BRAF: variants seen among roughly 807,000 people sequenced by gnomAD.
BRAF encodes B-Raf proto-oncogene, serine/threonine kinase.
Under a neutral mutation model 104.6 loss-of-function variants are expected in BRAF, and 16 were observed. That is an observed-to-expected ratio of 0.15 (90% CI 0.10 to 0.23). The LOEUF is 0.23. Among genes scored for constraint, BRAF ranks in the 10% least tolerant of loss-of-function variants. BRAF has a pLI of 1.00. For missense variants in BRAF, 541 were observed against 937.3 expected (o/e 0.58, Z 5.52); for synonymous variants, 310 against 341.6 (o/e 0.91, Z 1.02).
chr7:140,902,207 T>C (rs1056437658), intron 1 of BRAF, among the ~76,000 whole-genome samples: 7 of 152,244 alleles, frequency 4.6e-5, no homozygotes, highest in African/African-American at 7.2e-5. Flanking sequence ...ATTCTCATAG[T>C]ATTTCAAACT....
intron 14 of BRAF, among the ~76,000 whole-genome samples, chr7:140,765,140 C>T (rs1470393392): frequency 2.2e-4 from 33 of 152,052 alleles, no homozygotes; most frequent in East Asian, 1.4e-3. Flanking sequence ...TCAGAAATAA[C>T]GCCACATATC....
At chr7:140,760,790 T>C (rs1044297228) in intron 14 of BRAF, among the ~76,000 whole-genome samples, 12 of 151,596 alleles carry the variant, frequency 7.9e-5, no homozygotes, top group Non-Finnish European at 1.2e-4. Flanking sequence ...AGGGTATCAG[T>C]GATGGAAGAT....
At position 140,725,600 on chromosome 7, in the gene BRAF, T is replaced by C. The variant is rs2130830470; in HGVS notation, c.*894A>G. On this transcript the variant is annotated 3_prime_UTR_variant, in exon 20 of 20. Coordinates refer to ENST00000644969, the MANE Select transcript of BRAF (RefSeq NM_001374258.1). ...TTAGTTAGATACTGCCACGGCATTT[T>C]GTGCCCTGGACAAAGTAGCCGCATA... 1 of 1,058,488 alleles carries C rather than the reference T, an allele frequency of 9.4e-7. No homozygotes were observed. Among genetic ancestry groups the C allele is most frequent in the East Asian group, 5.2e-5 (1 of 19,232 alleles). The allele number at this position is 1,058,488 out of a possible 1,614,324, so 65.6% of individuals were successfully genotyped here.
intron 1 of BRAF, among the ~76,000 whole-genome samples, chr7:140,851,704 A>G (rs920741272): frequency 4.6e-5 from 7 of 152,220 alleles, no homozygotes; most frequent in Admixed American, 1.3e-4. Flanking sequence ...TCTGCAGGGT[A>G]TAAGTCCACT....
At chr7:140,790,521 A>G (rs539963955) in intron 8 of BRAF, among the ~76,000 whole-genome samples, 1 of 152,336 alleles carries the variant, frequency 6.6e-6, no homozygotes, top group East Asian at 1.9e-4. Context: ...AATATTAGCT[A>G]TAATTTCTGA....
intron 1 of BRAF, among the ~76,000 whole-genome samples, chr7:140,877,682 C>T (rs534988484): frequency 1.3e-5 from 2 of 152,120 alleles, no homozygotes; most frequent in East Asian, 3.9e-4. Flanking sequence ...ACAGACTCCC[C>T]TACACACAGA....
chr7:140,924,161 T>G lies in BRAF; in HGVS notation c.138+405A>C, dbSNP rs914752164. Among the ~76,000 whole-genome samples the G allele has an allele frequency of 5.3e-5, 8 of 152,236 alleles. No individual in the cohort carries two copies. The highest frequency in any genetic ancestry group is 1.9e-4 in the African/African-American group (8 of 41,558). ...AATTACACGCGACAGTAACTCGGGCTGTTGTCTCAGCCCCAGCAACTAACC... is the reference window on the plus strand; with the variant it reads ...AATTACACGCGACAGTAACTCGGGCGGTTGTCTCAGCCCCAGCAACTAACC... On this transcript the variant is annotated intron_variant, in intron 1 of 19. Transcript: ENST00000644969. This position sits in a 1 kb window ranked among gnomAD's most constrained non-coding sequence, Gnocchi z 4.2.
At chr7:140,734,796 A>AC (rs1796258265) in intron 18 of BRAF, 26 bp from the exon 18 acceptor site, 3 of 1,175,146 alleles carry the variant, frequency 2.6e-6, no homozygotes, top group Non-Finnish European at 3.3e-6. Flanking sequence ...GAAAAAAAAA[A>AC]GAAAAAAAAA....
At chr7:140,889,339 A>C (rs186134876) in intron 1 of BRAF, among the ~76,000 whole-genome samples, 1 of 152,332 alleles carries the variant, frequency 6.6e-6, no homozygotes. Context: ...CTAAACTTGA[A>C]ACATCAGCAA....
intron 2 of BRAF, among the ~76,000 whole-genome samples, chr7:140,841,340 C>T (rs994562332): frequency 1.8e-4 from 28 of 152,148 alleles, no homozygotes; most frequent in Non-Finnish European, 4.0e-4. Context: ...CAGTTAGTTC[C>T]TCAAAGTGTA....
Position 140,775,769 on chromosome 7 carries a change from A to G in BRAF, c.1814+1143T>C, listed in dbSNP as rs1302792641. 2.6e-5 allele frequency among the ~76,000 whole-genome samples: 4 copies of G among 152,198 alleles called. No individual in the cohort carries two copies. In the East Asian group the frequency reaches 5.8e-4, roughly 22 times the overall value. On this transcript the variant is annotated intron_variant, in intron 14 of 19. Coordinates refer to ENST00000644969, the MANE Select transcript of BRAF (RefSeq NM_001374258.1). ...CTGAATAAGGTAATAATTTGCTGTA[A>G]TAAGTATTTTGGCCGAATATAGGCT...
intron 7 of BRAF, among the ~76,000 whole-genome samples, chr7:140,798,262 C>CTTTTTTTTCCTTTTTTTTTTTT (rs1554402845): frequency 3.1e-5 from 1 of 32,618 alleles, no homozygotes; most frequent in East Asian, 8.4e-4. Flanking sequence ...TGTATGGGGA[C>CTTTTTTTTCCTTTTTTTTTTTT]TTTTTTTTTC....
intron 14 of BRAF, chr7:140,773,335 A>ATC: frequency 6.6e-6 from 1 of 152,320 alleles, no homozygotes; most frequent in East Asian, 1.9e-4. Flanking sequence ...ATCTAGGTGG[A>ATC]ATCCCTGATG....
At chr7:140,780,240 C>G (rs1046983638) in intron 12 of BRAF, 6 of 149,082 alleles carry the variant, frequency 4.0e-5, no homozygotes, top group Non-Finnish European at 8.9e-5. Context: ...AACTAAAACA[C>G]AGTCTTTTTT....
intron 1 of BRAF, among the ~76,000 whole-genome samples, chr7:140,886,387 A>C (rs1400579335): frequency 6.6e-6 from 1 of 152,164 alleles, no homozygotes; most frequent in Non-Finnish European, 1.5e-5. Flanking sequence ...CCCCTTCCTT[A>C]AACCCTTTAA....
intron 14 of BRAF, among the ~76,000 whole-genome samples, chr7:140,775,095 G>A (rs777365608): frequency 6.6e-6 from 1 of 152,150 alleles, no homozygotes; most frequent in Admixed American, 6.5e-5. Flanking sequence ...ACAGAGTGAC[G>A]TGGGGACATG....
chr7:140,720,325 G>T lies in BRAF; in HGVS notation c.*6169C>A, dbSNP rs1317989509. On this transcript the variant is annotated 3_prime_UTR_variant, in exon 20 of 20. Transcript: ENST00000644969. ...TGGCATGGCCAAAGGAAACACGGAG[G>T]ACCCATGGATGCATTTTAAAATGAA... 1.2e-5 allele frequency: 13 copies of T among 1,062,604 alleles called. No individual in the cohort carries two copies. The highest frequency in any genetic ancestry group is 4.9e-5 in the African/African-American group (3 of 60,908). 65.8% of individuals were successfully genotyped at this position (1,062,604 alleles called of 1,614,324 possible).
intron 1 of BRAF, among the ~76,000 whole-genome samples, chr7:140,915,406 C>A (rs79582589): frequency 0.017 from 2,647 of 151,752 alleles, 80 homozygotes; most frequent in African/African-American, 0.06. Flanking sequence ...CAAAAGTATT[C>A]CCCAACTTAA....
chr7:140,713,666 TGGA>T, the BRAF span, among the ~76,000 whole-genome samples: 3 of 152,230 alleles, frequency 2.0e-5, no homozygotes, highest in African/African-American at 7.2e-5. Context: ...TGCATTCCTT[TGGA>T]GGAGGAGAGG....
Sources: allele counts gnomAD v4.1 joint callset (sites outside exome capture counted in the v4.1 genomes callset), GRCh38; gene constraint gnomAD v4.1.1; non-coding constraint Gnocchi (gnomAD v3.1); transcripts MANE v1.5; gene names NCBI Gene and HGNC (gene_info 2026-07-23, HGNC 2026-07-21).